ERICH1: variants seen among roughly 807,000 people sequenced by gnomAD.
ERICH1 encodes glutamate rich 1.
A neutral mutation model predicts 39.6 loss-of-function variants in ERICH1; 56 were observed. That is an observed-to-expected ratio of 1.41 (90% CI 1.14 to 1.77). ERICH1 has a LOEUF of 1.77. Among genes scored for constraint, ERICH1 ranks in the 40% most tolerant of loss-of-function variants. ERICH1 has a pLI of 0.00. For missense variants in ERICH1, 826 were observed against 575.4 expected (o/e 1.44, Z -4.45); for synonymous variants, 313 against 223.6 (o/e 1.40, Z -3.57).
chr8:653,533 A>G (rs1327622271), intron 3 of ERICH1, among the ~76,000 whole-genome samples: 3 of 152,042 alleles, frequency 2.0e-5, no homozygotes, highest in Non-Finnish European at 4.4e-5. Context: ...TTTTGTCTAT[A>G]TATTTGTTCT....
intron 3 of ERICH1, among the ~76,000 whole-genome samples, chr8:689,656 A>G (rs558122852): frequency 1.5e-4 from 23 of 152,322 alleles, no homozygotes; most frequent in African/African-American, 5.5e-4. Context: ...TCTAAAAATT[A>G]CATGGCTGGA....
At chr8:682,893 C>A (rs1178994181) in intron 3 of ERICH1, among the ~76,000 whole-genome samples, 2 of 152,184 alleles carry the variant, frequency 1.3e-5, no homozygotes, top group African/African-American at 2.4e-5. Context: ...CTGATAATTA[C>A]CCTCAAGCTA....
At chr8:700,321 G>A (rs1248385966) in intron 2 of ERICH1, among the ~76,000 whole-genome samples, 2 of 104,774 alleles carry the variant, frequency 1.9e-5, no homozygotes, top group East Asian at 5.1e-4. Context: ...CCGCACACGC[G>A]CACAGGCCCG....
chr8:661,827 A>G (rs895343624), downstream of ERICH1, among the ~76,000 whole-genome samples: 1 of 152,264 alleles, frequency 6.6e-6, no homozygotes, highest in African/African-American at 2.4e-5. Context: ...GTGAATGCAG[A>G]AGGTTTCGCA....
intron 3 of ERICH1, chr8:626,055 A>G (rs544592424): frequency 2.8e-4 from 42 of 152,346 alleles, no homozygotes; most frequent in African/African-American, 1.0e-3. Flanking sequence ...TTCTACACAT[A>G]TAAATCTTTT....
intron 3 of ERICH1, among the ~76,000 whole-genome samples, chr8:625,269 A>T (rs1215341444): frequency 1.3e-5 from 2 of 152,196 alleles, no homozygotes; most frequent in Non-Finnish European, 2.9e-5. Flanking sequence ...AGCATGATCT[A>T]CTCAAACAAT....
At chr8:624,371 T>A (rs1300416177) in intron 3 of ERICH1, among the ~76,000 whole-genome samples, 1 of 152,068 alleles carries the variant, frequency 6.6e-6, no homozygotes, top group African/African-American at 2.4e-5. Flanking sequence ...CCCAAAAAGG[T>A]GAACACAGAG....
intron 3 of ERICH1, among the ~76,000 whole-genome samples, chr8:616,902 CAG>C (rs1185106556): frequency 9.9e-4 from 16 of 16,108 alleles, no homozygotes; most frequent in Non-Finnish European, 1.1e-3. Context: ...CACACACACA[CAG>C]AGAGAGAGAG....
intron 2 of ERICH1, among the ~76,000 whole-genome samples, chr8:707,226 T>TTC (rs34236829): frequency 4.6e-4 from 67 of 146,450 alleles, no homozygotes; most frequent in Non-Finnish European, 7.8e-4. Flanking sequence ...TTTTTTTTTT[T>TTC]AGACAGAGTA....
At chr8:685,375 A>C (rs188360631) in intron 3 of ERICH1, among the ~76,000 whole-genome samples, 5 of 152,294 alleles carry the variant, frequency 3.3e-5, no homozygotes, top group Admixed American at 3.3e-4. Context: ...AGATGCCCAG[A>C]TTTCATATTG....
At chr8:650,255 G>A (rs547219652) in intron 3 of ERICH1, among the ~76,000 whole-genome samples, 170 of 152,334 alleles carry the variant, frequency 1.1e-3, no homozygotes, top group African/African-American at 3.9e-3. Context: ...GGCCGAGTCA[G>A]CACTCTGTCC....
chr8:701,939 A>C (rs565294068), intron 2 of ERICH1, among the ~76,000 whole-genome samples: 151 of 151,902 alleles, frequency 9.9e-4, no homozygotes, highest in Non-Finnish European at 1.9e-3. Context: ...AAAATACAAA[A>C]ATTAGCCAGG....
At chr8:698,259 C>T (rs1467458267) in intron 2 of ERICH1, among the ~76,000 whole-genome samples, 1 of 151,244 alleles carries the variant, frequency 6.6e-6, no homozygotes, top group Non-Finnish European at 1.5e-5. Context: ...CACTCTGTCA[C>T]CCAGGCTGGA....
At chr8:667,980 G>A (rs908067887) in intron 5 of ERICH1, 3 of 155,080 alleles carry the variant, frequency 1.9e-5, no homozygotes, top group Non-Finnish European at 2.9e-5. Context: ...CCTCTGGGAC[G>A]CCAGCCCTGG....
intron 3 of ERICH1, among the ~76,000 whole-genome samples, chr8:639,008 A>T (rs1033436242): frequency 6.6e-6 from 1 of 151,762 alleles, no homozygotes; most frequent in African/African-American, 2.4e-5. Context: ...CCACCGCCCC[A>T]CCTGCCCACA....
intron 1 of ERICH1, among the ~76,000 whole-genome samples, chr8:724,180 T>C (rs2132437655): frequency 6.6e-6 from 1 of 152,168 alleles, no homozygotes; most frequent in African/African-American, 2.4e-5. Context: ...CACCAAATGA[T>C]CATTTTCTAC....
At chr8:717,083 T>C (rs1201773424) in intron 1 of ERICH1, among the ~76,000 whole-genome samples, 1 of 152,070 alleles carries the variant, frequency 6.6e-6, no homozygotes, top group Admixed American at 6.5e-5. Context: ...TGAGGTGCAG[T>C]GTGGTCATGA....
chr8:692,732 T>G (rs1337341305), intron 2 of ERICH1, 120 bp from the exon 3 acceptor site: 1 of 1,205,938 alleles, frequency 8.3e-7, no homozygotes, highest in Non-Finnish European at 1.1e-6. Flanking sequence ...ATCAAAGAGC[T>G]CAATAAAACC....
chr8:616,808 G>T (rs1456317857), intron 3 of ERICH1, among the ~76,000 whole-genome samples: 1 of 75,002 alleles, frequency 1.3e-5, no homozygotes, highest in East Asian at 7.2e-4. Flanking sequence ...AGAGAGGGGG[G>T]AGGAAGAGAC....
Sources: gnomAD v4.1 joint callset for allele counts (sites outside exome capture counted in the v4.1 genomes callset) on GRCh38, gnomAD v4.1.1 for gene constraint, MANE v1.5 for transcripts, NCBI Gene and HGNC (gene_info 2026-07-23, HGNC 2026-07-21) for gene names.